SATB2: variants seen among roughly 807,000 people sequenced by gnomAD.
The protein encoded by SATB2 is DNA-binding protein SATB2.
In SATB2, 1 loss-of-function variant was observed where a neutral mutation model predicts 73.4. That is an observed-to-expected ratio of 0.01 (90% CI 0.00 to 0.06). SATB2 has a LOEUF of 0.06. Ranked by LOEUF, SATB2 falls within the 10% of genes least tolerant of loss-of-function variation. The pLI is 1.00. For synonymous variants in SATB2, 397 were observed against 367.0 expected (o/e 1.08, Z -0.93); for missense variants, 459 against 945.8 (o/e 0.49, Z 6.75).
intron 3 of SATB2, among the ~76,000 whole-genome samples, chr2:199,418,856 C>T (rs1046753538): frequency 1.3e-5 from 2 of 152,100 alleles, no homozygotes; most frequent in South Asian, 2.1e-4. Context: ...TTTTTTCCCT[C>T]TTTGACCCAA....
At chr2:199,286,096 T>C (rs886758442) in intron 10 of SATB2, among the ~76,000 whole-genome samples, 6 of 150,308 alleles carry the variant, frequency 4.0e-5, no homozygotes, top group African/African-American at 1.2e-4. Context: ...TGGTTATAAA[T>C]TGAGAACAAC....
At chr2:199,424,385 A>G (rs2105917474) in intron 3 of SATB2, among the ~76,000 whole-genome samples, 1 of 152,216 alleles carries the variant, frequency 6.6e-6, no homozygotes, top group East Asian at 1.9e-4. Context: ...CAAAACCACC[A>G]CCGAGCTCTT....
chr2:199,345,565 C>T (rs1213144030), intron 7 of SATB2, among the ~76,000 whole-genome samples: 1 of 152,078 alleles, frequency 6.6e-6, no homozygotes, highest in African/African-American at 2.4e-5. Flanking sequence ...TCCTGGATTC[C>T]CTTCATAATT....
chr2:199,372,075 A>G (rs1379376033), intron 5 of SATB2, among the ~76,000 whole-genome samples: 2 of 152,180 alleles, frequency 1.3e-5, no homozygotes, highest in Admixed American at 1.3e-4. Context: ...TTTATGAATA[A>G]TATTATATTC....
At chr2:199,340,748 C>G (rs1359464815) in intron 7 of SATB2, among the ~76,000 whole-genome samples, 1 of 152,128 alleles carries the variant, frequency 6.6e-6, no homozygotes, top group East Asian at 1.9e-4. Context: ...ATATGAGGAT[C>G]GCACCTAATT....
chr2:199,334,416 A>G (rs1452092903), intron 7 of SATB2, among the ~76,000 whole-genome samples: 1 of 152,308 alleles, frequency 6.6e-6, no homozygotes, highest in East Asian at 1.9e-4. Context: ...TTGGTGTCAT[A>G]ACCAATTAGT....
intron 3 of SATB2, among the ~76,000 whole-genome samples, chr2:199,384,431 T>C (rs1559019874): frequency 6.6e-6 from 1 of 152,236 alleles, no homozygotes; most frequent in Non-Finnish European, 1.5e-5. Flanking sequence ...AGAAGCCCAC[T>C]CTACTCCAGC....
chr2:199,301,958 A>G (rs1435635069), intron 10 of SATB2, among the ~76,000 whole-genome samples: 1 of 152,154 alleles, frequency 6.6e-6, no homozygotes, highest in Non-Finnish European at 1.5e-5. Context: ...AGATTCAGAG[A>G]AACCTAACCA....
chr2:199,444,556 T>C (rs531605056), intron 2 of SATB2, among the ~76,000 whole-genome samples: 2 of 152,304 alleles, frequency 1.3e-5, no homozygotes, highest in African/African-American at 4.8e-5. Context: ...ATAAAGGTAT[T>C]GGTGTTGTCC....
At chr2:199,355,879 G>C (rs1489776532) in intron 6 of SATB2, among the ~76,000 whole-genome samples, 2 of 152,054 alleles carry the variant, frequency 1.3e-5, no homozygotes, top group Admixed American at 1.3e-4. Context: ...ATTAATTACA[G>C]TATTGCTCTT....
At chr2:199,394,943 G>GA (rs995356897) in intron 3 of SATB2, among the ~76,000 whole-genome samples, 7 of 149,598 alleles carry the variant, frequency 4.7e-5, no homozygotes, top group East Asian at 1.9e-4. Flanking sequence ...ACTTAAATGA[G>GA]AAAAAAAAAG....
At position 199,457,536 on chromosome 2, in the gene SATB2, G is replaced by A. The variant is rs1397478667; in HGVS notation, c.-257C>T. On this transcript the variant is annotated 5_prime_UTR_variant, in exon 1 of 11. Transcript: ENST00000417098. The surrounding 1 kb of genome is among the most constrained non-coding windows in gnomAD (Gnocchi z 4.8). ...GGGTGTCTTCTTCTGGTGCGGAGAT[G>A]GTTGTTATGATGATGATGGGGGGAG... is the stretch of plus-strand genomic sequence containing the variant. 5 of 152,258 alleles carry A rather than the reference G, an allele frequency of 3.3e-5. 1 individual carries two copies. The highest frequency in any genetic ancestry group is 6.6e-5 in the Admixed American group (1 of 15,258). 9.4% of individuals were successfully genotyped at this position (152,258 alleles called of 1,614,324 possible).
At chr2:199,458,512 CG>C, upstream of SATB2, 1 of 374,718 alleles carries the variant, frequency 2.7e-6, no homozygotes, top group Admixed American at 3.2e-5. Context: ...AGGCGGGCAC[CG>C]GGGCCCAGGG....
chr2:199,409,136 T>A (rs1378199713), intron 3 of SATB2, among the ~76,000 whole-genome samples: 1 of 151,690 alleles, frequency 6.6e-6, no homozygotes, highest in Non-Finnish European at 1.5e-5. Context: ...TTAGATCATG[T>A]GCAAAGCTCC....
intron 10 of SATB2, among the ~76,000 whole-genome samples, chr2:199,286,974 G>A (rs998356514): frequency 2.6e-5 from 4 of 152,130 alleles, no homozygotes; most frequent in South Asian, 2.1e-4. Context: ...AAGATGAAAG[G>A]TTAGGATGAC....
intron 10 of SATB2, among the ~76,000 whole-genome samples, chr2:199,286,463 G>A (rs1692691121): frequency 6.6e-6 from 1 of 151,874 alleles, no homozygotes; most frequent in Non-Finnish European, 1.5e-5. Flanking sequence ...GAAGACTTGG[G>A]AAGAATGACC....
At chr2:199,285,877 G>GTTTT (rs1236266312) in intron 10 of SATB2, among the ~76,000 whole-genome samples, 11 of 136,272 alleles carry the variant, frequency 8.1e-5, no homozygotes, top group Admixed American at 3.7e-4. Context: ...GCCTTAGTCT[G>GTTTT]TTTTTTTTTT....
intron 6 of SATB2, among the ~76,000 whole-genome samples, chr2:199,360,660 T>G (rs1689111829): frequency 6.6e-6 from 1 of 152,154 alleles, no homozygotes; most frequent in Non-Finnish European, 1.5e-5. Flanking sequence ...TCCCTCCTAG[T>G]TGGTGGGCTC....
rs1559065893 is a variant in SATB2 at position 199,455,823 on chromosome 2, T to C, written c.169+46A>G. 1.5e-5 allele frequency: 23 copies of C among 1,531,020 alleles called. No homozygotes were observed. Among genetic ancestry groups the C allele is most frequent in the Non-Finnish European group, 1.9e-5 (22 of 1,143,786 alleles). 94.8% of individuals were successfully genotyped at this position (1,531,020 alleles called of 1,614,324 possible). On this transcript the variant is annotated intron_variant, in intron 2 of 10. Transcript: ENST00000417098. This position sits in a 1 kb window ranked among gnomAD's most constrained non-coding sequence, Gnocchi z 4.1. ...ACCTGAACCCTGACACCCGGGCCAT[T>C]ATCACTGGGCCGCGGGCTGCGCGCC...
Sources: gnomAD v4.1 joint callset for allele counts (sites outside exome capture counted in the v4.1 genomes callset) on GRCh38, gnomAD v4.1.1 for gene constraint, Gnocchi (gnomAD v3.1) non-coding constraint, MANE v1.5 for transcripts, NCBI Gene and HGNC (gene_info 2026-07-23, HGNC 2026-07-21) for gene names.